Variants in DYM observed in about 807,000 individuals in gnomAD.
DYM encodes the protein dymeclin, also known as dyggve-Melchior-Clausen syndrome protein.
DYM carries 78 observed loss-of-function variants against 93.1 expected under a neutral mutation model. That is an observed-to-expected ratio of 0.84 (90% CI 0.70 to 1.01). The LOEUF is 1.01. DYM is among the 50% of genes least tolerant of loss of function. DYM has a pLI of 0.00. For synonymous variants in DYM, 321 were observed against 319.7 expected (o/e 1.00, Z -0.04); for missense variants, 789 against 845.0 (o/e 0.93, Z 0.82).
At chr18:49,454,076 C>A (rs562330315) in intron 1 of DYM, among the ~76,000 whole-genome samples, 38 of 152,268 alleles carry the variant, frequency 2.5e-4, no homozygotes, top group African/African-American at 9.2e-4. Flanking sequence ...CACGGACATG[C>A]CTTTCTTCCA....
At chr18:49,095,524 G>A (rs1055494977) in intron 17 of DYM, among the ~76,000 whole-genome samples, 1 of 150,978 alleles carries the variant, frequency 6.6e-6, no homozygotes. Flanking sequence ...GAGTTGGCAA[G>A]CTGAGGTCAG....
chr18:49,357,069 G>C (rs1261409130), intron 6 of DYM, among the ~76,000 whole-genome samples: 1 of 152,016 alleles, frequency 6.6e-6, no homozygotes, highest in Non-Finnish European at 1.5e-5. Context: ...AACCTAATGT[G>C]CTTGTGATTT....
At chr18:49,186,568 A>G (rs1242963624) in intron 14 of DYM, among the ~76,000 whole-genome samples, 1 of 152,194 alleles carries the variant, frequency 6.6e-6, no homozygotes, top group African/African-American at 2.4e-5. Context: ...CAGTAAGCCT[A>G]CCTAAGATCA....
At chr18:49,088,231 G>C (rs577928821) in intron 17 of DYM, among the ~76,000 whole-genome samples, 4 of 152,174 alleles carry the variant, frequency 2.6e-5, no homozygotes, top group African/African-American at 7.2e-5. Context: ...TTTCTTCTAG[G>C]GTTTTTATGG....
intron 2 of DYM, among the ~76,000 whole-genome samples, chr18:49,420,259 G>A (rs553527130): frequency 2.8e-4 from 42 of 148,506 alleles, no homozygotes; most frequent in Non-Finnish European, 5.2e-4. Flanking sequence ...GCTCTGCCGC[G>A]CGGGTTCAAG....
chr18:49,402,177 C>G (rs1470580633), intron 2 of DYM, among the ~76,000 whole-genome samples: 2 of 152,140 alleles, frequency 1.3e-5, no homozygotes, highest in Admixed American at 1.3e-4. Context: ...CAACCTCAAC[C>G]TCACACCCTC....
Position 49,317,598 on chromosome 18 carries a change from CCCCCTCCCCCCT to C in DYM, c.763+14254_763+14265del, listed in dbSNP as rs1275261002. Among the ~76,000 whole-genome samples the C allele has an allele frequency of 2.4e-4, 5 of 20,982 alleles. 1 individual carries two copies. The highest frequency in any genetic ancestry group is 1.1e-3 in the African/African-American group (5 of 4,658). The allele number at this position is 20,982 out of a possible 152,430, so 13.8% of individuals were successfully genotyped here. A position where few individuals can be genotyped will look rare whatever the true frequency, so the allele number is the denominator to read the frequency against. ...CTCTCTCTCTCTCTCTCTCTCTCTC[CCCCCTCCCCCCT>C]CCCTCCCTCCCTCCCTCCCTCTCCT... is the stretch of plus-strand genomic sequence containing the variant. On this transcript the variant is annotated intron_variant, in intron 8 of 17. Coordinates refer to ENST00000675505, the MANE Select transcript of DYM (RefSeq NM_001353214.3).
At chr18:49,224,489 T>C (rs1233599064) in intron 13 of DYM, among the ~76,000 whole-genome samples, 1 of 151,988 alleles carries the variant, frequency 6.6e-6, no homozygotes, top group Non-Finnish European at 1.5e-5. Context: ...CAAATGTATA[T>C]GTTGAAATCC....
At chr18:49,381,993 C>A (rs1222148031) in intron 3 of DYM, among the ~76,000 whole-genome samples, 1 of 151,620 alleles carries the variant, frequency 6.6e-6, no homozygotes, top group Non-Finnish European at 1.5e-5. Context: ...TAAATCCAAA[C>A]AAAATGCTGA....
chr18:49,344,201 TG>T (rs2064390280), intron 6 of DYM, among the ~76,000 whole-genome samples: 1 of 152,144 alleles, frequency 6.6e-6, no homozygotes, highest in African/African-American at 2.4e-5. Flanking sequence ...AGAAAAACCC[TG>T]GAACAGCCAT....
intron 17 of DYM, among the ~76,000 whole-genome samples, chr18:49,045,598 G>A (rs2071376417): frequency 6.6e-6 from 1 of 152,222 alleles, no homozygotes; most frequent in Non-Finnish European, 1.5e-5. Context: ...CCCAGCTCCT[G>A]TTCTCATGGA....
chr18:49,442,506 G>A (rs555054419), intron 1 of DYM, among the ~76,000 whole-genome samples: 35 of 152,024 alleles, frequency 2.3e-4, no homozygotes, highest in East Asian at 1.4e-3. Flanking sequence ...AGCTGTGATC[G>A]TGCCACCACA....
chr18:49,331,278 G>A (rs769941255), intron 8 of DYM, among the ~76,000 whole-genome samples: 24 of 152,196 alleles, frequency 1.6e-4, no homozygotes, highest in Non-Finnish European at 3.2e-4. Flanking sequence ...TCTAGTGTCT[G>A]TAGTCTGAAT....
At chr18:49,387,957 G>A (rs2068797546) in intron 3 of DYM, among the ~76,000 whole-genome samples, 1 of 152,134 alleles carries the variant, frequency 6.6e-6, no homozygotes, top group Admixed American at 6.5e-5. Context: ...CTTTGAAACA[G>A]TTCCATAAAT....
chr18:49,345,568 G>T (rs1195206374), intron 6 of DYM, among the ~76,000 whole-genome samples: 1 of 152,072 alleles, frequency 6.6e-6, no homozygotes, highest in East Asian at 1.9e-4. Context: ...AGTCCCTAAG[G>T]TAGGAATACA....
chr18:49,363,662 T>C (rs1020672780), intron 5 of DYM, among the ~76,000 whole-genome samples: 8 of 152,194 alleles, frequency 5.3e-5, no homozygotes, highest in African/African-American at 1.2e-4. Flanking sequence ...GGCCTTACCC[T>C]TGATTTCTTG....
chr18:49,149,125 G>A (rs2085509541), intron 15 of DYM, among the ~76,000 whole-genome samples: 1 of 152,126 alleles, frequency 6.6e-6, no homozygotes, highest in South Asian at 2.1e-4. Context: ...TCCTTTGCGT[G>A]TACAGTTCAC....
chr18:49,259,860 T>C (rs2094462615), intron 11 of DYM, among the ~76,000 whole-genome samples: 1 of 152,188 alleles, frequency 6.6e-6, no homozygotes, highest in Non-Finnish European at 1.5e-5. Context: ...TCTCCAATTA[T>C]GTTTAAGTTT....
rs78440028 is a variant in DYM, at chr18:49,337,368, T to C, written c.495-3515A>G. On this transcript the variant is annotated intron_variant, in intron 6 of 17. Transcript: ENST00000675505. The stretch of plus-strand genomic sequence containing the variant: ...CTCCTGAGAACCTCCCTCCCCTCCA[T>C]ACATGTGGATTGGATGGGGCACGAC... Among the ~76,000 whole-genome samples the C allele has an allele frequency of 2.9e-3, 443 of 152,272 alleles. 12 individuals carry two copies. The East Asian group carries it at 0.071, about 24-fold the overall frequency.
Sources: allele counts gnomAD v4.1 joint callset (sites outside exome capture counted in the v4.1 genomes callset), GRCh38; gene constraint gnomAD v4.1.1; transcripts MANE v1.5; gene names NCBI Gene and HGNC (gene_info 2026-07-23, HGNC 2026-07-21).